Variants in PPP1R12B observed in about 807,000 individuals in gnomAD.
PPP1R12B encodes the protein myosin phosphatase target subunit 2.
Under a neutral mutation model 126.1 loss-of-function variants are expected in PPP1R12B, and 76 were observed. The ratio of observed to expected loss-of-function variants is 0.60; its 90% CI spans 0.50 to 0.73. The LOEUF (loss-of-function observed/expected upper bound fraction) is 0.73, where lower values mean the gene tolerates loss of function less well. PPP1R12B is among the 30% of genes least tolerant of loss of function. The pLI is 0.00. For synonymous variants in PPP1R12B, 356 were observed against 434.7 expected, an observed-to-expected ratio of 0.82 and a Z score of 2.25; for missense variants, 1,052 against 1,205.1, an observed-to-expected ratio of 0.87 and a Z score of 1.88.
At chr1:202,371,863 T>C (rs1338115850) in intron 1 of PPP1R12B, among the ~76,000 whole-genome samples, 33 of 142,362 alleles carry the variant, frequency 2.3e-4, no homozygotes, top group South Asian at 9.2e-4. Flanking sequence ...AGTTTCTTTT[T>C]TTTTTTTTTT....
chr1:202,365,210 G>GA (rs1159497512), intron 1 of PPP1R12B, among the ~76,000 whole-genome samples: 1 of 152,052 alleles, frequency 6.6e-6, no homozygotes, highest in African/African-American at 2.4e-5. Flanking sequence ...AGCACCTTGG[G>GA]ATGCCAAGGC....
intron 23 of PPP1R12B, 49 bp from the exon 24 acceptor site, chr1:202,580,425 G>T: frequency 6.6e-7 from 1 of 1,508,496 alleles, no homozygotes; most frequent in South Asian, 1.1e-5. Context: ...GGAGGGCCAA[G>T]GAGGATCCTG....
intron 18 of PPP1R12B, among the ~76,000 whole-genome samples, chr1:202,555,825 G>A (rs992101334): frequency 6.6e-6 from 1 of 151,820 alleles, no homozygotes; most frequent in Non-Finnish European, 1.5e-5. Flanking sequence ...TGAACCAAAG[G>A]TACGAAGTTT....
chr1:202,496,078 A>G (rs1679522950), intron 17 of PPP1R12B, among the ~76,000 whole-genome samples: 1 of 152,234 alleles, frequency 6.6e-6, no homozygotes, highest in African/African-American at 2.4e-5. Context: ...GATTCTAACT[A>G]AATATTGTAG....
intron 18 of PPP1R12B, among the ~76,000 whole-genome samples, chr1:202,497,774 A>T (rs987162566): frequency 6.6e-5 from 10 of 152,186 alleles, no homozygotes; most frequent in Non-Finnish European, 1.5e-4. Flanking sequence ...GAAATAGTAT[A>T]TAGAGGTTCC....
rs539024138 is a variant in PPP1R12B at position 202,526,630 on chromosome 1, A to G, written c.2490+29808A>G. On this transcript the variant is annotated intron_variant, in intron 18 of 23. Coordinates refer to ENST00000608999, the MANE Select transcript of PPP1R12B (RefSeq NM_002481.4). ...TCGATAAAGAGGAGAGTGAAGGGAC[A>G]TCAAGAGCATGAGAGACAGTGGAGA... 1.7e-3 allele frequency among the ~76,000 whole-genome samples: 262 copies of G among 152,338 alleles called. 1 individual carries two copies. The highest frequency in any genetic ancestry group is 3.0e-3 in the Non-Finnish European group (207 of 68,034).
At chr1:202,546,636 A>C (rs1379997544) in intron 18 of PPP1R12B, among the ~76,000 whole-genome samples, 1 of 152,034 alleles carries the variant, frequency 6.6e-6, no homozygotes, top group East Asian at 1.9e-4. Flanking sequence ...GACAAAATTG[A>C]GTTGGCAAAC....
intron 13 of PPP1R12B, chr1:202,462,676 A>T (rs1674466526): frequency 1.2e-6 from 1 of 805,606 alleles, no homozygotes; most frequent in African/African-American, 1.9e-5. Flanking sequence ...AGGGACCAAA[A>T]TTTTCAGCCC....
At chr1:202,456,482 G>C (rs1397112064) in intron 13 of PPP1R12B, among the ~76,000 whole-genome samples, 2 of 152,102 alleles carry the variant, frequency 1.3e-5, no homozygotes, top group Admixed American at 6.5e-5. Flanking sequence ...AGTGACCCAG[G>C]GTTGGTGTCA....
chr1:202,434,319 C>CA (rs1215927250), intron 8 of PPP1R12B, among the ~76,000 whole-genome samples: 79 of 152,160 alleles, frequency 5.2e-4, no homozygotes, highest in African/African-American at 1.8e-3. Context: ...AAATTATCTG[C>CA]ATAAGAAGTG....
At chr1:202,422,769 A>G in intron 3 of PPP1R12B, 31 bp downstream of exon 3, 1 of 1,612,446 alleles carries the variant, frequency 6.2e-7, no homozygotes, top group Non-Finnish European at 8.5e-7. Context: ...GGGCCAGGAA[A>G]GATTCTCAAA....
chr1:202,487,617 T>TC (rs1213750327), intron 13 of PPP1R12B, among the ~76,000 whole-genome samples: 3 of 141,376 alleles, frequency 2.1e-5, no homozygotes, highest in African/African-American at 9.0e-5. Context: ...TTTTTTTTTC[T>TC]TTTTTTTGGA....
chr1:202,359,550 C>T (rs1437687190), intron 1 of PPP1R12B, among the ~76,000 whole-genome samples: 1 of 151,770 alleles, frequency 6.6e-6, no homozygotes, highest in East Asian at 1.9e-4. Context: ...GAGGCCAAGG[C>T]AGGTGAATCA....
intron 18 of PPP1R12B, among the ~76,000 whole-genome samples, chr1:202,504,081 G>A (rs1394114575): frequency 1.3e-5 from 2 of 152,038 alleles, no homozygotes; most frequent in African/African-American, 4.8e-5. Flanking sequence ...TTGAATAAAT[G>A]TCACTTCAAT....
chr1:202,388,167 G>A (rs911771769), intron 1 of PPP1R12B, among the ~76,000 whole-genome samples: 6 of 150,218 alleles, frequency 4.0e-5, no homozygotes, highest in African/African-American at 1.5e-4. Context: ...AGGAATAATT[G>A]CCCAGGAAGA....
chr1:202,398,825 G>A (rs1665385635), intron 1 of PPP1R12B, among the ~76,000 whole-genome samples: 1 of 152,190 alleles, frequency 6.6e-6, no homozygotes, highest in Non-Finnish European at 1.5e-5. Context: ...CTTTGGTGAA[G>A]CCTTTTGATG....
At chr1:202,433,046 G>T (rs565462752) in intron 8 of PPP1R12B, among the ~76,000 whole-genome samples, 93 of 152,290 alleles carry the variant, frequency 6.1e-4, no homozygotes, top group African/African-American at 2.0e-3. Flanking sequence ...GAGAAGAAAG[G>T]CACCAGCTAA....
chr1:202,524,938 C>T (rs567048718), intron 18 of PPP1R12B, among the ~76,000 whole-genome samples: 64 of 152,170 alleles, frequency 4.2e-4, no homozygotes, highest in African/African-American at 1.4e-3. Flanking sequence ...AGTGCGGTGA[C>T]GCGATCTTGG....
chr1:202,426,660 C>T (rs1571957903), intron 4 of PPP1R12B, among the ~76,000 whole-genome samples: 1 of 152,098 alleles, frequency 6.6e-6, no homozygotes, highest in East Asian at 1.9e-4. Flanking sequence ...CTATTAGAGT[C>T]TTCATTTTAT....
Sources: allele counts gnomAD v4.1 joint callset (sites outside exome capture counted in the v4.1 genomes callset), GRCh38; gene constraint gnomAD v4.1.1; transcripts MANE v1.5; gene names NCBI Gene and HGNC (gene_info 2026-07-23, HGNC 2026-07-21).